The following USP53 variants were observed in gnomAD, a reference collection of about 807,000 sequenced individuals.
USP53 encodes ubiquitin carboxyl-terminal hydrolase 53.
A neutral mutation model predicts 94.9 loss-of-function variants in USP53; 71 were observed. The ratio of observed to expected loss-of-function variants is 0.75; its 90% CI spans 0.62 to 0.91. USP53 has a LOEUF of 0.91. USP53 is among the 40% of genes least tolerant of loss of function. USP53 has a pLI of 0.00. For missense variants in USP53, 1,173 were observed against 1,281.0 expected (o/e 0.92, Z 1.29); for synonymous variants, 375 against 422.7 (o/e 0.89, Z 1.39).
intron 7 of USP53, among the ~76,000 whole-genome samples, chr4:119,250,916 T>TC (rs968350493): frequency 1.3e-5 from 2 of 151,370 alleles, no homozygotes; most frequent in African/African-American, 2.4e-5. Context: ...ATTTTTTTTT[T>TC]TAATTATACT....
intron 3 of USP53, among the ~76,000 whole-genome samples, chr4:119,232,883 C>G (rs1202507926): frequency 6.6e-6 from 1 of 152,042 alleles, no homozygotes; most frequent in Admixed American, 6.6e-5. Flanking sequence ...TGATCTAACA[C>G]TAGAATTAAC....
intron 7 of USP53, among the ~76,000 whole-genome samples, chr4:119,255,228 C>T (rs374632238): frequency 5.9e-5 from 9 of 152,180 alleles, no homozygotes; most frequent in African/African-American, 1.9e-4. Context: ...GGAGCTCAAA[C>T]GCCATGCTAG....
intron 3 of USP53, among the ~76,000 whole-genome samples, chr4:119,234,938 A>G (rs1746530822): frequency 6.6e-6 from 1 of 152,216 alleles, no homozygotes; most frequent in Non-Finnish European, 1.5e-5. Flanking sequence ...CCACAGATGC[A>G]GAACTCGTGG....
intron 12 of USP53, among the ~76,000 whole-genome samples, chr4:119,266,008 C>G (rs1364306594): frequency 6.6e-6 from 1 of 152,166 alleles, no homozygotes; most frequent in Non-Finnish European, 1.5e-5. Context: ...TAGAAAAATT[C>G]TGTCAGGCTT....
At position 119,246,583 on chromosome 4, in the gene USP53, AT is replaced by A. The variant is rs527834603; in HGVS notation, c.237+1157del. Among the ~76,000 whole-genome samples, 95 of 152,328 alleles carry A rather than the reference AT, an allele frequency of 6.2e-4. 1 individual carries two copies. The highest frequency in any genetic ancestry group is 5.0e-3 in the Admixed American group (76 of 15,288). ...TGTAACTAAATTTTGGGGGTGGTTT[AT>A]TTACAGAGCAATAAATAACTATAAC... On this transcript the variant is annotated intron_variant, in intron 6 of 18. Transcript: ENST00000692078.
At position 119,272,008 on chromosome 4, in the gene USP53, T is replaced by G. The variant is rs368231749; in HGVS notation, c.2148T>G (p.Ser716Arg). Residue 716 changes from serine to arginine, a missense_variant, in exon 16 of 19, where the codon AGT becomes AGG. Physicochemically the swap from Ser to Arg is moderately radical, Grantham distance 110. Transcript: ENST00000692078. ...GAAATGGTACAGTAATGGATATCAG[T>G]GGTGTTAAAGAAACAGTATGCTTCA... ...IDGNGTVMDI[S>R]GVKETVCFSD... 6.2e-7 allele frequency: 1 copy of G among 1,600,594 alleles called. No individual in the cohort carries two copies. The highest frequency in any genetic ancestry group is 8.5e-7 in the Non-Finnish European group (1 of 1,175,304).
intron 17 of USP53, among the ~76,000 whole-genome samples, chr4:119,288,359 T>C (rs1754346395): frequency 6.6e-6 from 1 of 152,226 alleles, no homozygotes; most frequent in Non-Finnish European, 1.5e-5. Context: ...TTCTTGTTTT[T>C]GCATCAGACT....
intron 17 of USP53, among the ~76,000 whole-genome samples, chr4:119,290,262 A>G (rs1333524723): frequency 6.6e-6 from 1 of 152,196 alleles, no homozygotes; most frequent in Non-Finnish European, 1.5e-5. Flanking sequence ...CTTGGAAGAC[A>G]CTTGGAAGTA....
At chr4:119,255,695 T>C (rs1386121938) in intron 7 of USP53, among the ~76,000 whole-genome samples, 1 of 152,108 alleles carries the variant, frequency 6.6e-6, no homozygotes, top group Non-Finnish European at 1.5e-5. Context: ...CCCTGACCCC[T>C]TGTGCTTCCT....
chr4:119,274,417 G>A (rs1311693277), intron 17 of USP53, among the ~76,000 whole-genome samples: 1 of 151,892 alleles, frequency 6.6e-6, no homozygotes, highest in Non-Finnish European at 1.5e-5. Flanking sequence ...TCCCTACAAA[G>A]GACACGAACT....
chr4:119,290,210 G>A (rs1226433714), intron 17 of USP53, among the ~76,000 whole-genome samples: 2 of 152,172 alleles, frequency 1.3e-5, no homozygotes, highest in Admixed American at 6.5e-5. Context: ...TAGAGAGAGA[G>A]AAAAAATGAT....
intron 17 of USP53, among the ~76,000 whole-genome samples, chr4:119,286,144 A>G (rs1209146611): frequency 6.6e-6 from 1 of 151,976 alleles, no homozygotes; most frequent in Non-Finnish European, 1.5e-5. Context: ...TTTCTAAAAT[A>G]TTCAAATTTA....
intron 1 of USP53, among the ~76,000 whole-genome samples, chr4:119,213,554 T>G (rs1202991072): frequency 6.6e-6 from 1 of 151,560 alleles, no homozygotes; most frequent in Non-Finnish European, 1.5e-5. Flanking sequence ...GTAACCCTGC[T>G]ACAAGGTTTT....
chr4:119,262,011 C>A lies in USP53; in HGVS notation c.972+147C>A, dbSNP rs550533063. The A allele has an allele frequency of 1.4e-4, 110 of 785,574 alleles. No individual in the cohort carries two copies. The African/African-American group carries it at 1.9e-3, about 13-fold the overall frequency. The allele number at this position is 785,574 out of a possible 1,614,324, so 48.7% of individuals were successfully genotyped here. A position where few individuals can be genotyped will look rare whatever the true frequency, so the allele number is the denominator to read the frequency against. Reference sequence around the variant, plus strand: ...AACATGATGATAGCATCAGTAAGTTCAAACTTTCTTTTGTTATTCTTGAAA... The same window carrying A: ...AACATGATGATAGCATCAGTAAGTTAAAACTTTCTTTTGTTATTCTTGAAA... On this transcript the variant is annotated intron_variant, in intron 12 of 18. Transcript: ENST00000692078.
At chr4:119,273,589 G>A in intron 16 of USP53, 43 bp from the exon 17 acceptor site, 1 of 1,476,030 alleles carries the variant, frequency 6.8e-7, no homozygotes, top group South Asian at 1.2e-5. Flanking sequence ...AACAAAGGCA[G>A]TCCATAATAC....
rs764502692 is a variant in USP53, at chr4:119,259,864, C to G, written c.614C>G (p.Pro205Arg). The change falls in exon 10 of 19, where the codon CCT (proline) becomes CGT (arginine). Residue 205 changes from proline (P) to arginine (R), a missense_variant. Physicochemically the swap from Pro to Arg is moderately radical, Grantham distance 103. Coordinates refer to ENST00000692078, the MANE Select transcript of USP53 (RefSeq NM_001371395.1). ...TTGGAAAGGCATGAACGCTTTAAAC[C>G]TGAAATGTTTGCAGAATTGCTACAA... ...RMLERHERFK[P>R]EMFAELLQAA... 2 of 1,612,388 alleles carry G rather than the reference C, an allele frequency of 1.2e-6. No individual in the cohort carries two copies. The highest frequency in any genetic ancestry group is 4.5e-5 in the East Asian group (2 of 44,696).
At chr4:119,217,870 T>C (rs749632870) in intron 3 of USP53, 197 bp downstream of exon 3, 1 of 152,176 alleles carries the variant, frequency 6.6e-6, no homozygotes, top group Non-Finnish European at 1.5e-5. Flanking sequence ...GAAGTTTGTA[T>C]AGTGTGCAGG....
chr4:119,242,610 G>A (rs1747689913), intron 5 of USP53, among the ~76,000 whole-genome samples: 2 of 152,218 alleles, frequency 1.3e-5, no homozygotes, highest in Non-Finnish European at 2.9e-5. Flanking sequence ...AACTCTCTGT[G>A]CAGCTCTCTG....
intron 3 of USP53, among the ~76,000 whole-genome samples, chr4:119,221,855 A>G (rs1385351759): frequency 6.6e-6 from 1 of 152,198 alleles, no homozygotes; most frequent in Non-Finnish European, 1.5e-5. Context: ...TACACAGCAG[A>G]GCAAAGGAGA....
Sources: allele counts gnomAD v4.1 joint callset (sites outside exome capture counted in the v4.1 genomes callset), GRCh38; gene constraint gnomAD v4.1.1; transcripts MANE v1.5; gene names NCBI Gene and HGNC (gene_info 2026-07-23, HGNC 2026-07-21).